Variants in FKTN observed in about 807,000 individuals in gnomAD.
FKTN encodes the protein fukutin.
Under a neutral mutation model 58.6 loss-of-function variants are expected in FKTN, and 47 were observed. The ratio of observed to expected loss-of-function variants is 0.80; its 90% confidence interval spans 0.63 to 1.02. The LOEUF is 1.02. Ranked by LOEUF, FKTN falls within the 50% of genes least tolerant of loss-of-function variation. The probability of loss-of-function intolerance (pLI) is 0.00; values close to 1 mark genes in which losing one functional copy is unlikely to be tolerated. For synonymous variants in FKTN, 178 were observed against 191.9 expected (o/e 0.93, Z 0.60); for missense variants, 516 against 537.3 (o/e 0.96, Z 0.39).
chr9:105,562,107 T>G (rs1450792170), intron 1 of FKTN, among the ~76,000 whole-genome samples: 2 of 152,258 alleles, frequency 1.3e-5, no homozygotes, highest in Non-Finnish European at 1.5e-5. Context: ...CAGTTCTGTT[T>G]TAATGAATTG....
intron 3 of FKTN, among the ~76,000 whole-genome samples, chr9:105,580,651 T>C (rs1434533577): frequency 2.3e-5 from 1 of 44,338 alleles, no homozygotes; most frequent in Admixed American, 2.8e-4. Flanking sequence ...TGTCTTGGAG[T>C]TGCTCTTCTC....
chr9:105,588,600 ACCTC>A (rs1844320750), intron 3 of FKTN, among the ~76,000 whole-genome samples: 1 of 152,326 alleles, frequency 6.6e-6, no homozygotes, highest in South Asian at 2.1e-4. Flanking sequence ...AATACATGTT[ACCTC>A]TTTTTTCAAA....
chr9:105,617,396 C>T (rs2133147130), intron 8 of FKTN, among the ~76,000 whole-genome samples: 1 of 152,222 alleles, frequency 6.6e-6, no homozygotes, highest in African/African-American at 2.4e-5. Context: ...TCATACGGCC[C>T]ATCAGGTGGT....
chr9:105,583,409 C>T (rs901445940), intron 3 of FKTN, among the ~76,000 whole-genome samples: 1 of 152,100 alleles, frequency 6.6e-6, no homozygotes, highest in Non-Finnish European at 1.5e-5. Context: ...TTTTAGTGTT[C>T]GTAATATTCA....
rs1841181303 is a variant in FKTN at position 105,573,680 on chromosome 9, G to A, written c.-155G>A. 6.6e-6 allele frequency: 1 copy of A among 152,024 alleles called. No individual in the cohort carries two copies. The highest frequency in any genetic ancestry group is 1.5e-5 in the Non-Finnish European group (1 of 68,010). The allele number at this position is 152,024 out of a possible 1,614,324, so 9.4% of individuals were successfully genotyped here. A position where few individuals can be genotyped will look rare whatever the true frequency, so the allele number is the denominator to read the frequency against. ...ATTGAAAGGAAACACACTGAATGAG[G>A]AAAAACTAACATACGGTCATCAACA... On this transcript the variant is annotated 5_prime_UTR_variant, in exon 2 of 11. Coordinates refer to ENST00000357998, the MANE Select transcript of FKTN (RefSeq NM_001079802.2).
In FKTN at chr9:105,604,283, G is replaced by T. The variant is rs769735457; in HGVS notation, c.438G>T (p.Arg146=). Residue 146 remains arginine, a synonymous_variant, in exon 6 of 11, where the codon CGG becomes CGT. Transcript: ENST00000357998. ...QCLKIESKDP[R]LDGIDSLSGT... ...TAAAGATTGAGAGTAAAGATCCCCG[G>T]CTAGACGGGATAGACTCACTCTCTG... The T allele has an allele frequency of 6.2e-7, 1 of 1,613,438 alleles. No homozygotes were observed. The highest frequency in any genetic ancestry group is 8.5e-7 in the Non-Finnish European group (1 of 1,179,842).
chr9:105,587,075 C>T (rs150181512), intron 3 of FKTN, among the ~76,000 whole-genome samples: 37 of 152,216 alleles, frequency 2.4e-4, no homozygotes, highest in African/African-American at 7.5e-4. Flanking sequence ...AACAGAAAAT[C>T]GTCAAATATT....
intron 4 of FKTN, chr9:105,598,530 T>C (rs1827243316): frequency 6.5e-6 from 1 of 152,774 alleles, no homozygotes; most frequent in Admixed American, 6.5e-5. Context: ...TATTATGGTC[T>C]CAGCATAATC....
At chr9:105,616,188 C>T (rs756186559) in intron 8 of FKTN, among the ~76,000 whole-genome samples, 10 of 152,192 alleles carry the variant, frequency 6.6e-5, no homozygotes, top group Non-Finnish European at 1.5e-4. Context: ...AGCAAAACCA[C>T]GGATATGGCA....
At position 105,635,288 on chromosome 9, in the gene FKTN, T is replaced by C; in HGVS notation, c.*24T>C. On this transcript the variant is annotated 3_prime_UTR_variant, in exon 11 of 11. Coordinates refer to ENST00000357998, the MANE Select transcript of FKTN (RefSeq NM_001079802.2). The stretch of plus-strand genomic sequence containing the variant: ...GAGATAGTAGGTTGAAATGGGAGAA[T>C]TTCTCTTTTGGAAAAAAAGGTAGAT... 1 of 1,613,958 alleles carries C rather than the reference T, an allele frequency of 6.2e-7. No homozygotes were observed.
intron 7 of FKTN, among the ~76,000 whole-genome samples, chr9:105,608,771 G>A (rs938053708): frequency 1.3e-5 from 2 of 152,206 alleles, no homozygotes; most frequent in Non-Finnish European, 2.9e-5. Context: ...CAGCCCAAGT[G>A]GGCCTTCGTA....
chr9:105,599,608 A>C (rs1395734933), intron 4 of FKTN, among the ~76,000 whole-genome samples: 3 of 150,726 alleles, frequency 2.0e-5, no homozygotes, highest in Non-Finnish European at 4.4e-5. Flanking sequence ...GGTTCAAGTG[A>C]TTCTCCTGCC....
In FKTN at chr9:105,640,096, A is replaced by G. The variant is rs1564365203; in HGVS notation, c.*4832A>G. 15 of 1,535,128 alleles carry G rather than the reference A, an allele frequency of 9.8e-6. No individual in the cohort carries two copies. The highest frequency in any genetic ancestry group is 2.7e-5 in the African/African-American group (2 of 73,150). The stretch of plus-strand genomic sequence containing the variant: ...CCCTCAAATTTCTGTTTCTATCTCA[A>G]CTAGGCAAGAATCAGCAGGGTGCAT... On this transcript the variant is annotated 3_prime_UTR_variant, in exon 11 of 11. Coordinates refer to ENST00000357998, the MANE Select transcript of FKTN (RefSeq NM_001079802.2).
chr9:105,580,514 TA>T (rs1842682623), intron 3 of FKTN, among the ~76,000 whole-genome samples: 1 of 121,322 alleles, frequency 8.2e-6, no homozygotes, highest in African/African-American at 3.2e-5. Context: ...TTCTGGCTTG[TA>T]GGGTTTCTGC....
At chr9:105,583,223 G>A (rs1286103984) in intron 3 of FKTN, among the ~76,000 whole-genome samples, 2 of 152,210 alleles carry the variant, frequency 1.3e-5, no homozygotes, top group African/African-American at 4.8e-5. Context: ...CAGGCCCTAT[G>A]CGAAGCACTT....
At chr9:105,562,960 T>G (rs1346675889) in intron 1 of FKTN, among the ~76,000 whole-genome samples, 1 of 152,020 alleles carries the variant, frequency 6.6e-6, no homozygotes, top group Non-Finnish European at 1.5e-5. Flanking sequence ...TGATTCCACT[T>G]CCCCCCACTC....
intron 4 of FKTN, chr9:105,600,845 CT>C (rs1827746630): frequency 4.6e-6 from 1 of 216,372 alleles, no homozygotes; most frequent in Non-Finnish European, 9.3e-6. Flanking sequence ...ATTTCTTATC[CT>C]TTTGATGTAT....
At chr9:105,563,327 C>T (rs1015781072) in intron 1 of FKTN, among the ~76,000 whole-genome samples, 2 of 152,092 alleles carry the variant, frequency 1.3e-5, no homozygotes, top group African/African-American at 2.4e-5. Context: ...TGCAGCGCAC[C>T]GAGCGTGAGC....
Position 105,624,086 on chromosome 9 carries a change from T to G in FKTN, c.1172+4025T>G, listed in dbSNP as rs1181522395. On this transcript the variant is annotated intron_variant, in intron 10 of 10. Coordinates refer to ENST00000357998, the MANE Select transcript of FKTN (RefSeq NM_001079802.2). Reference sequence around the variant, plus strand: ...TATTAAGTCAAAAGATATGAGCCTTTTAAAGAGTTTTGATACATATTGCCA... The same window carrying G: ...TATTAAGTCAAAAGATATGAGCCTTGTAAAGAGTTTTGATACATATTGCCA... Among the ~76,000 whole-genome samples the G allele has an allele frequency of 2.6e-5, 4 of 152,296 alleles. No homozygotes were observed. The East Asian group carries it at 7.7e-4, about 29-fold the overall frequency.
Sources: allele counts gnomAD v4.1 joint callset (sites outside exome capture counted in the v4.1 genomes callset), GRCh38; gene constraint gnomAD v4.1.1; transcripts MANE v1.5; gene names NCBI Gene and HGNC (gene_info 2026-07-23, HGNC 2026-07-21).